The following TAFA4 variants were observed in gnomAD, a reference collection of about 807,000 sequenced individuals.
The protein encoded by TAFA4 is TAFA chemokine like family member 4, also known as chemokine-like protein TAFA-4.
TAFA4 carries 20 observed loss-of-function variants against 21.1 expected under a neutral mutation model. The ratio of observed to expected loss-of-function variants is 0.95; its 90% CI spans 0.67 to 1.38. TAFA4 has a LOEUF of 1.38. TAFA4 is among the 40% of genes most tolerant of loss of function. The probability of loss-of-function intolerance (pLI) is 0.00; values close to 1 mark genes in which losing one functional copy is unlikely to be tolerated. For missense variants in TAFA4, 211 were observed against 180.9 expected, an observed-to-expected ratio of 1.17 and a Z score of -0.95; for synonymous variants, 71 against 67.4, an observed-to-expected ratio of 1.05 and a Z score of -0.26.
chr3:68,739,936 C>T (rs955967897), intron 4 of TAFA4, among the ~76,000 whole-genome samples: 7 of 152,158 alleles, frequency 4.6e-5, no homozygotes, highest in African/African-American at 1.4e-4. Flanking sequence ...GATGGCTACA[C>T]TAAAAGCCCA....
chr3:68,818,564 A>T (rs1031682450), intron 3 of TAFA4, among the ~76,000 whole-genome samples: 1 of 152,166 alleles, frequency 6.6e-6, no homozygotes, highest in African/African-American at 2.4e-5. Context: ...TCAAAAGGAG[A>T]CACATGTGAC....
intron 3 of TAFA4, among the ~76,000 whole-genome samples, chr3:68,803,565 C>T (rs1703620940): frequency 6.6e-6 from 1 of 151,952 alleles, no homozygotes; most frequent in South Asian, 2.1e-4. Context: ...GAGGGAAGTA[C>T]TAAGAAGTCC....
chr3:68,878,513 G>T (rs2089579488), intron 3 of TAFA4, among the ~76,000 whole-genome samples: 1 of 152,046 alleles, frequency 6.6e-6, no homozygotes, highest in Admixed American at 6.6e-5. Context: ...AAACATATTT[G>T]CTACCCTCTT....
chr3:68,806,570 A>C (rs1180987092), intron 3 of TAFA4, among the ~76,000 whole-genome samples: 1 of 152,162 alleles, frequency 6.6e-6, no homozygotes, highest in Non-Finnish European at 1.5e-5. Context: ...CATTCATTCA[A>C]TAGTTGTTTA....
intron 3 of TAFA4, among the ~76,000 whole-genome samples, chr3:68,871,900 A>C (rs115804675): frequency 0.021 from 3,126 of 152,206 alleles, 113 homozygotes; most frequent in African/African-American, 0.071. Flanking sequence ...GACAAAAAAT[A>C]ACAGATGCTG....
intron 3 of TAFA4, among the ~76,000 whole-genome samples, chr3:68,805,397 G>T (rs1239506711): frequency 1.3e-5 from 2 of 152,194 alleles, no homozygotes; most frequent in African/African-American, 4.8e-5. Flanking sequence ...TCACTGTGGT[G>T]ATTCCTCAAG....
intron 3 of TAFA4, among the ~76,000 whole-genome samples, chr3:68,773,769 T>C (rs995109083): frequency 6.6e-6 from 1 of 152,164 alleles, no homozygotes; most frequent in African/African-American, 2.4e-5. Context: ...TTTAGTTAAA[T>C]TTCTAATAAA....
At chr3:68,830,149 C>G (rs926484706) in intron 3 of TAFA4, among the ~76,000 whole-genome samples, 8 of 152,100 alleles carry the variant, frequency 5.3e-5, no homozygotes, top group Non-Finnish European at 1.0e-4. Flanking sequence ...CTCCTGGATT[C>G]ATTGATTATT....
chr3:68,908,987 AC>A (rs1256798057), intron 1 of TAFA4, among the ~76,000 whole-genome samples: 1 of 152,172 alleles, frequency 6.6e-6, no homozygotes, highest in Non-Finnish European at 1.5e-5. Context: ...AGTAGTCACT[AC>A]CCACATGTAG....
At chr3:68,733,683 C>T (rs34648377) in intron 5 of TAFA4, among the ~76,000 whole-genome samples, 6,259 of 152,102 alleles carry the variant, frequency 0.041, 309 homozygotes, top group East Asian at 0.24. Flanking sequence ...AATTGAACAG[C>T]AGTTTCTATT....
At chr3:68,737,298 A>T (rs1183415681) in intron 5 of TAFA4, among the ~76,000 whole-genome samples, 2 of 152,146 alleles carry the variant, frequency 1.3e-5, no homozygotes, top group Non-Finnish European at 2.9e-5. Flanking sequence ...AATTATCTTA[A>T]GGCAGGGTTT....
chr3:68,851,624 C>A (rs1704952802), intron 3 of TAFA4, among the ~76,000 whole-genome samples: 1 of 152,104 alleles, frequency 6.6e-6, no homozygotes. Flanking sequence ...ACTTGCTAGG[C>A]AAATATTACC....
chr3:68,842,449 T>C (rs1704686970), intron 3 of TAFA4, among the ~76,000 whole-genome samples: 1 of 152,242 alleles, frequency 6.6e-6, no homozygotes, highest in Non-Finnish European at 1.5e-5. Context: ...ATTAGCCCTT[T>C]GTCAGGTGGA....
intron 4 of TAFA4, among the ~76,000 whole-genome samples, chr3:68,739,857 A>C (rs887544240): frequency 6.6e-6 from 1 of 152,202 alleles, no homozygotes; most frequent in African/African-American, 2.4e-5. Flanking sequence ...GGAACAACAG[A>C]AATTGGAGAC....
chr3:68,880,861 G>A lies in TAFA4; in HGVS notation c.15-16C>T. The A allele has an allele frequency of 6.2e-7, 1 of 1,608,804 alleles. No homozygotes were observed. The highest frequency in any genetic ancestry group is 8.5e-7 in the Non-Finnish European group (1 of 1,176,484). On this transcript the variant is annotated splice_polypyrimidine_tract_variant and intron_variant, in intron 2 of 5. Coordinates refer to ENST00000295569, the MANE Select transcript of TAFA4 (RefSeq NM_182522.5). ...GACTCTCATCCTGGAGGAAAAGCAG[G>A]GCTGGAGTCAGTGAGGGCTGAGGAA...
At position 68,739,184 on chromosome 3, in the gene TAFA4, T is replaced by C; in HGVS notation, c.302A>G (p.Gln101Arg). Residue 101 changes from glutamine (Q) to arginine (R), a missense_variant, in exon 5 of 6, where the codon CAG becomes CGG. By Grantham distance (43) the Gln-to-Arg change is conservative. Coordinates refer to ENST00000295569, the MANE Select transcript of TAFA4 (RefSeq NM_182522.5). ...CGGATTCATGTGACACCACCATTTC[T>C]GAATCACAATGGAAGCTGGAAAACA... is the stretch of plus-strand genomic sequence containing the variant. ...PSCVEASIVI[Q>R]KWWCHMNPCL... The C allele has an allele frequency of 6.2e-7, 1 of 1,613,662 alleles. No individual in the cohort carries two copies. Among genetic ancestry groups the C allele is most frequent in the Non-Finnish European group, 8.5e-7 (1 of 1,179,788 alleles).
chr3:68,916,211 T>A (rs938960185), intron 1 of TAFA4: 40 of 152,248 alleles, frequency 2.6e-4, no homozygotes, highest in African/African-American at 9.2e-4. Flanking sequence ...TAAATATACG[T>A]TTCCTGTCAA....
chr3:68,897,626 CA>C lies in TAFA4; in HGVS notation c.-122-12317del, dbSNP rs893732564. Reference sequence around the variant, plus strand: ...GGGCAACAAAAGCGAAACTCCATCTCAAAAAAAAAAAATATTTATTTTTCCC... The same window carrying C: ...GGGCAACAAAAGCGAAACTCCATCTCAAAAAAAAAAATATTTATTTTTCCC... On this transcript the variant is annotated intron_variant, in intron 1 of 5. Transcript: ENST00000295569. Among the ~76,000 whole-genome samples, 460 of 134,930 alleles carry C rather than the reference CA, an allele frequency of 3.4e-3. 1 individual carries two copies. The highest frequency in any genetic ancestry group is 0.01 in the African/African-American group (374 of 36,796). The allele number at this position is 134,930 out of a possible 152,430, so 88.5% of individuals were successfully genotyped here.
intron 3 of TAFA4, among the ~76,000 whole-genome samples, chr3:68,869,426 A>G (rs758991377): frequency 6.6e-6 from 1 of 152,090 alleles, no homozygotes; most frequent in Non-Finnish European, 1.5e-5. Context: ...CTACAAGCCA[A>G]TATCCCTGAT....
Sources: allele counts gnomAD v4.1 joint callset (sites outside exome capture counted in the v4.1 genomes callset), GRCh38; gene constraint gnomAD v4.1.1; transcripts MANE v1.5; gene names NCBI Gene and HGNC (gene_info 2026-07-23, HGNC 2026-07-21).